The following AKAP7 variants were observed in gnomAD, a reference collection of about 807,000 sequenced individuals.
The protein encoded by AKAP7 is A kinase (PRKA) anchor protein 7.
AKAP7 carries 39 observed loss-of-function variants against 39.5 expected under a neutral mutation model. That is an observed-to-expected ratio of 0.99 (90% CI 0.76 to 1.29). The LOEUF is 1.29. AKAP7 is among the 50% of genes most tolerant of loss of function. The pLI, the probability that AKAP7 is intolerant of heterozygous loss-of-function variation, is 0.00. For synonymous variants in AKAP7, 140 were observed against 139.1 expected (o/e 1.01, Z -0.05); for missense variants, 414 against 407.7 (o/e 1.02, Z -0.13).
chr6:131,208,881 C>G (rs1050249898), intron 6 of AKAP7, among the ~76,000 whole-genome samples: 2 of 152,194 alleles, frequency 1.3e-5, no homozygotes, highest in East Asian at 1.9e-4. Flanking sequence ...GGTGAACATG[C>G]TGATTCTTAA....
At chr6:131,245,210 GC>G (rs1210543225) in intron 7 of AKAP7, among the ~76,000 whole-genome samples, 2 of 151,522 alleles carry the variant, frequency 1.3e-5, no homozygotes, top group African/African-American at 4.8e-5. Context: ...TTTGGGTCTG[GC>G]CTATTGTGGA....
At chr6:131,184,424 C>T (rs1041544250) in intron 5 of AKAP7, 10 of 657,476 alleles carry the variant, frequency 1.5e-5, no homozygotes, top group East Asian at 7.0e-5. Flanking sequence ...CAGATATGGA[C>T]GGAGTGAGAC....
chr6:131,143,013 A>G (rs1562859023), intron 1 of AKAP7, among the ~76,000 whole-genome samples: 1 of 152,238 alleles, frequency 6.6e-6, no homozygotes, highest in East Asian at 1.9e-4. Context: ...TTGGAATGGG[A>G]GTGTTTACAC....
intron 4 of AKAP7, among the ~76,000 whole-genome samples, chr6:131,166,796 C>G (rs1303644847): frequency 2.0e-5 from 3 of 152,096 alleles, no homozygotes; most frequent in Admixed American, 1.3e-4. Context: ...TATTAAAAGT[C>G]TCTGATTTTT....
At chr6:131,233,574 C>A (rs535997222) in intron 7 of AKAP7, among the ~76,000 whole-genome samples, 1 of 152,116 alleles carries the variant, frequency 6.6e-6, no homozygotes, top group East Asian at 1.9e-4. Context: ...AATTCTTAAG[C>A]CCAGGAAAAA....
upstream of AKAP7, among the ~76,000 whole-genome samples, chr6:131,135,296 G>T (rs1165584323): frequency 6.6e-6 from 1 of 152,250 alleles, no homozygotes; most frequent in African/African-American, 2.4e-5. Context: ...GGCCGTCGGA[G>T]GCCGCGGGGC....
rs1189824963 is a variant in AKAP7 at position 131,282,163 on chromosome 6, A to C, written c.*437A>C. Reference sequence around the variant, plus strand: ...TAAGTTTAAAATAATCACTGTTGGAATTGTCATCTGTACAATTAGTCCATA... The same window carrying C: ...TAAGTTTAAAATAATCACTGTTGGACTTGTCATCTGTACAATTAGTCCATA... On this transcript the variant is annotated 3_prime_UTR_variant, in exon 8 of 8. Coordinates refer to ENST00000431975, the MANE Select transcript of AKAP7 (RefSeq NM_016377.4). 5 of 1,225,864 alleles carry C rather than the reference A, an allele frequency of 4.1e-6. No homozygotes were observed. Among genetic ancestry groups the C allele is most frequent in the Non-Finnish European group, 5.1e-6 (5 of 984,020 alleles). The allele number at this position is 1,225,864 out of a possible 1,614,324, so 75.9% of individuals were successfully genotyped here.
intron 2 of AKAP7, among the ~76,000 whole-genome samples, chr6:131,155,892 CTT>C (rs1282676529): frequency 2.0e-5 from 3 of 152,320 alleles, no homozygotes; most frequent in African/African-American, 7.2e-5. Flanking sequence ...CCCTAGGAGT[CTT>C]TGAATTTCCA....
At chr6:131,279,575 C>G in intron 7 of AKAP7, among the ~76,000 whole-genome samples, 1 of 152,138 alleles carries the variant, frequency 6.6e-6, no homozygotes, top group Non-Finnish European at 1.5e-5. Context: ...CCAAAATTAG[C>G]TTTTTGTAGG....
chr6:131,280,013 T>C (rs755402865), intron 7 of AKAP7, among the ~76,000 whole-genome samples: 1 of 152,228 alleles, frequency 6.6e-6, no homozygotes, highest in Non-Finnish European at 1.5e-5. Flanking sequence ...TCATTCCTAC[T>C]GATAAACAAA....
chr6:131,224,822 A>G (rs1810025897), intron 7 of AKAP7, among the ~76,000 whole-genome samples: 1 of 141,018 alleles, frequency 7.1e-6, no homozygotes, highest in African/African-American at 2.7e-5. Context: ...GCTTACCACA[A>G]CCTCTACAAC....
chr6:131,191,846 T>G (rs1337789385), intron 5 of AKAP7, among the ~76,000 whole-genome samples: 12 of 96,554 alleles, frequency 1.2e-4, no homozygotes, highest in African/African-American at 4.0e-4. Flanking sequence ...CCTCGTGGTG[T>G]TTTTTTTTTT....
At chr6:131,216,893 C>T (rs1271532404) in intron 6 of AKAP7, among the ~76,000 whole-genome samples, 1 of 152,196 alleles carries the variant, frequency 6.6e-6, no homozygotes, top group East Asian at 1.9e-4. Context: ...TCCAGGGTTG[C>T]AACACCCATA....
Position 131,169,181 on chromosome 6 carries a change from T to A in AKAP7, c.497T>A (p.Leu166Ter), listed in dbSNP as rs1285966173. Reference protein sequence around the residue: ...EELLQGKHLTLPFQGIGTFGN... With the variant: ...EELLQGKHLT ...CTCCTCCAGGGAAAACATTTGACTT[T>A]GCCCTTTCAAGGGATTGGTACTTTT... Residue 166 changes from leucine to a stop codon, truncating the protein, a stop_gained, in exon 5 of 8, where the codon TTG becomes TAG. Coordinates refer to ENST00000431975, the MANE Select transcript of AKAP7 (RefSeq NM_016377.4). LOFTEE classifies it high-confidence loss of function. 12 of 1,614,060 alleles carry A rather than the reference T, an allele frequency of 7.4e-6. No homozygotes were observed. Among genetic ancestry groups the A allele is most frequent in the Non-Finnish European group, 1.0e-5 (12 of 1,179,946 alleles).
At position 131,181,081 on chromosome 6, in the gene AKAP7, G is replaced by A. The variant is rs113532988; in HGVS notation, c.589+11808G>A. On this transcript the variant is annotated intron_variant, in intron 5 of 7. Coordinates refer to ENST00000431975, the MANE Select transcript of AKAP7 (RefSeq NM_016377.4). ...CTCCTGAGTAGCTGGGATTACAGGC[G>A]CCTGCCACCATGCCTGGCTAATTTT... is the stretch of plus-strand genomic sequence containing the variant. 6.5e-3 allele frequency among the ~76,000 whole-genome samples: 982 copies of A among 151,878 alleles called. 14 individuals are homozygous for A. The highest frequency in any genetic ancestry group is 0.022 in the African/African-American group (925 of 41,442).
intron 7 of AKAP7, among the ~76,000 whole-genome samples, chr6:131,265,381 C>T (rs758510038): frequency 3.0e-4 from 45 of 152,268 alleles, no homozygotes; most frequent in African/African-American, 8.7e-4. Context: ...GTGATCCGCC[C>T]GCCTCAGCTC....
intron 2 of AKAP7, among the ~76,000 whole-genome samples, chr6:131,158,973 A>G (rs990710023): frequency 1.3e-5 from 2 of 152,178 alleles, no homozygotes; most frequent in Non-Finnish European, 2.9e-5. Flanking sequence ...TTCTGGGAGC[A>G]TGCTTTGTAA....
Position 131,164,606 on chromosome 6 carries a change from C to T in AKAP7, c.292-475C>T, listed in dbSNP as rs575811801. On this transcript the variant is annotated intron_variant, in intron 3 of 7. Coordinates refer to ENST00000431975, the MANE Select transcript of AKAP7 (RefSeq NM_016377.4). ...AAAAAATCTTAAAGGCCATGAGGAA[C>T]GGGTTCACAGACACATTCACTTGGA... 6.4e-5 allele frequency: 22 copies of T among 342,296 alleles called. 1 individual carries two copies. Among genetic ancestry groups the T allele is most frequent in the South Asian group, 1.6e-4 (7 of 43,440 alleles). 21.2% of individuals were successfully genotyped at this position (342,296 alleles called of 1,614,324 possible).
chr6:131,281,885 G>A lies in AKAP7; in HGVS notation c.*159G>A. 1 of 1,267,366 alleles carries A rather than the reference G, an allele frequency of 7.9e-7. No individual in the cohort carries two copies. The highest frequency in any genetic ancestry group is 3.5e-5 in the South Asian group (1 of 28,786). The allele number at this position is 1,267,366 out of a possible 1,614,324, so 78.5% of individuals were successfully genotyped here. ...TCATGATCGATGTGTTCGCATTGCT[G>A]AAACACAACAGAAGAAAAATGGAGT... On this transcript the variant is annotated 3_prime_UTR_variant, in exon 8 of 8. Transcript: ENST00000431975. This position sits in a 1 kb window ranked among gnomAD's most constrained non-coding sequence, Gnocchi z 4.0.
Sources: allele counts gnomAD v4.1 joint callset (sites outside exome capture counted in the v4.1 genomes callset), GRCh38; gene constraint gnomAD v4.1.1; non-coding constraint Gnocchi (gnomAD v3.1); transcripts MANE v1.5; gene names NCBI Gene and HGNC (gene_info 2026-07-23, HGNC 2026-07-21).